The following SLC16A12 variants were observed in gnomAD, a reference collection of about 807,000 sequenced individuals.
The protein encoded by SLC16A12 is solute carrier family 16 member 12.
SLC16A12 carries 17 observed loss-of-function variants against 42.4 expected under a neutral mutation model. That is an observed-to-expected ratio of 0.40 (90% CI 0.27 to 0.60). SLC16A12 has a LOEUF of 0.60. Among genes scored for constraint, SLC16A12 ranks in the 20% least tolerant of loss-of-function variants. The pLI, the probability that SLC16A12 is intolerant of heterozygous loss-of-function variation, is 0.42. For synonymous variants in SLC16A12, 224 were observed against 229.4 expected (o/e 0.98, Z 0.21); for missense variants, 544 against 623.0 (o/e 0.87, Z 1.35).
chr10:89,524,326 T>C (rs1843412690), intron 2 of SLC16A12, among the ~76,000 whole-genome samples: 1 of 151,956 alleles, frequency 6.6e-6, no homozygotes, highest in Non-Finnish European at 1.5e-5. Flanking sequence ...CAAAGAAAAA[T>C]CAAAACCCCT....
At chr10:89,547,852 G>T (rs1038982776) in intron 2 of SLC16A12, among the ~76,000 whole-genome samples, 7 of 151,680 alleles carry the variant, frequency 4.6e-5, no homozygotes, top group African/African-American at 1.7e-4. Context: ...GCCAGGCATG[G>T]TGGCATGTGC....
chr10:89,447,758 A>G (rs1178378952), intron 3 of SLC16A12, among the ~76,000 whole-genome samples: 1 of 152,260 alleles, frequency 6.6e-6, no homozygotes, highest in Non-Finnish European at 1.5e-5. Context: ...AACTAAAATC[A>G]GAGCAGAACT....
At chr10:89,439,506 T>G (rs1841866927) in intron 5 of SLC16A12, among the ~76,000 whole-genome samples, 1 of 152,118 alleles carries the variant, frequency 6.6e-6, no homozygotes, top group Non-Finnish European at 1.5e-5. Flanking sequence ...CCAAAGAAAC[T>G]TATCACTTCC....
chr10:89,526,569 G>A (rs1843456350), intron 2 of SLC16A12, among the ~76,000 whole-genome samples: 1 of 152,204 alleles, frequency 6.6e-6, no homozygotes, highest in Admixed American at 6.5e-5. Flanking sequence ...AATTTGGCAA[G>A]GAACAGGAAG....
intron 6 of SLC16A12, 52 bp downstream of exon 6, chr10:89,438,552 C>T: frequency 6.5e-7 from 1 of 1,549,464 alleles, no homozygotes; most frequent in Non-Finnish European, 8.8e-7. Flanking sequence ...AGGAGAAACT[C>T]AAGGCTTAAA....
At chr10:89,467,170 T>A (rs982157330) in intron 2 of SLC16A12, among the ~76,000 whole-genome samples, 1 of 152,202 alleles carries the variant, frequency 6.6e-6, no homozygotes, top group Non-Finnish European at 1.5e-5. Flanking sequence ...GTTAAGTTGT[T>A]TTCCAGTGTA....
intron 7 of SLC16A12, among the ~76,000 whole-genome samples, chr10:89,433,676 G>A (rs2133674289): frequency 6.6e-6 from 1 of 152,212 alleles, no homozygotes; most frequent in South Asian, 2.1e-4. Context: ...TTTACCTAGG[G>A]TGTTAAGAGA....
chr10:89,478,305 G>A (rs1238322228), intron 2 of SLC16A12, among the ~76,000 whole-genome samples: 1 of 152,192 alleles, frequency 6.6e-6, no homozygotes, highest in Non-Finnish European at 1.5e-5. Flanking sequence ...TGCATTCCAA[G>A]TCTCAGAGGT....
upstream of SLC16A12, among the ~76,000 whole-genome samples, chr10:89,535,972 G>C (rs1278053257): frequency 2.0e-5 from 3 of 152,374 alleles, no homozygotes; most frequent in South Asian, 2.1e-4. Flanking sequence ...CTGCCTGGCC[G>C]GCAAAGAGGA....
intron 2 of SLC16A12, among the ~76,000 whole-genome samples, chr10:89,497,566 G>A (rs1301419745): frequency 6.6e-6 from 1 of 152,164 alleles, no homozygotes; most frequent in African/African-American, 2.4e-5. Context: ...AAACAGCACT[G>A]TATTAGGGCC....
chr10:89,513,560 A>G (rs1306210902), intron 2 of SLC16A12, among the ~76,000 whole-genome samples: 1 of 152,248 alleles, frequency 6.6e-6, no homozygotes, highest in East Asian at 1.9e-4. Context: ...TGAATTAATA[A>G]CAAATATAAT....
intron 3 of SLC16A12, among the ~76,000 whole-genome samples, chr10:89,444,098 G>A (rs1841959515): frequency 6.6e-6 from 1 of 152,162 alleles, no homozygotes; most frequent in Non-Finnish European, 1.5e-5. Flanking sequence ...CTGCTCTAAG[G>A]AAGGTTTTAT....
chr10:89,538,055 C>T (rs1031885207), upstream of SLC16A12, among the ~76,000 whole-genome samples: 22 of 152,226 alleles, frequency 1.4e-4, no homozygotes, highest in African/African-American at 4.6e-4. Context: ...TGGGGTTCCA[C>T]GCTCAAGACC....
intron 2 of SLC16A12, among the ~76,000 whole-genome samples, chr10:89,500,519 C>T (rs188002513): frequency 1.8e-4 from 27 of 151,946 alleles, no homozygotes; most frequent in Non-Finnish European, 1.5e-4. Context: ...TGTGATACAC[C>T]GCATAAACAG....
chr10:89,436,901 A>AAAGAAAGG (rs1564567561), intron 6 of SLC16A12, among the ~76,000 whole-genome samples: 1 of 150,074 alleles, frequency 6.7e-6, no homozygotes, highest in Admixed American at 6.6e-5. Flanking sequence ...AGAAAGAAAG[A>AAAGAAAGG]AAGAAAGAAA....
chr10:89,542,161 G>A (rs1843719202), intron 2 of SLC16A12, among the ~76,000 whole-genome samples: 2 of 152,074 alleles, frequency 1.3e-5, no homozygotes, highest in South Asian at 4.2e-4. Context: ...GGTGTTCTCT[G>A]AAGATCACAG....
chr10:89,472,487 C>CTTTTTTTTTTTTTTTTTTTTTT (rs71022567), intron 2 of SLC16A12, among the ~76,000 whole-genome samples: 2 of 89,896 alleles, frequency 2.2e-5, no homozygotes, highest in African/African-American at 4.1e-5. Flanking sequence ...TCTTTTCTTT[C>CTTTTTTTTTTTTTTTTTTTTTT]TTTTTTTTTT....
Position 89,433,207 on chromosome 10 carries a change from G to A in SLC16A12, c.1408C>T (p.Gln470Ter). 1 of 1,614,158 alleles carries A rather than the reference G, an allele frequency of 6.2e-7. No homozygotes were observed. Among genetic ancestry groups the A allele is most frequent in the Non-Finnish European group, 8.5e-7 (1 of 1,180,020 alleles). ...ARLIKRMRKT[Q>*]LQFIAKESDP... ...GATTCTTTGGCAATGAACTGCAACT[G>A]GGTTTTTCTCATTCTCTTTATAAGT... The change falls in exon 8 of 8, where the codon CAG (glutamine) becomes TAG (stop). Residue 470 changes from glutamine (Q) to a stop codon, truncating the protein, a stop_gained. Coordinates refer to ENST00000371790, the MANE Select transcript of SLC16A12 (RefSeq NM_213606.4). LOFTEE classifies it high-confidence loss of function.
At chr10:89,437,090 G>A (rs1564567726) in intron 6 of SLC16A12, among the ~76,000 whole-genome samples, 1 of 152,130 alleles carries the variant, frequency 6.6e-6, no homozygotes, top group Non-Finnish European at 1.5e-5. Flanking sequence ...ATACTTTTAG[G>A]TATGTTATCC....
Sources: gnomAD v4.1 joint callset for allele counts (sites outside exome capture counted in the v4.1 genomes callset) on GRCh38, gnomAD v4.1.1 for gene constraint, MANE v1.5 for transcripts, NCBI Gene and HGNC (gene_info 2026-07-23, HGNC 2026-07-21) for gene names.